The following KIRREL1 variants were observed in gnomAD, a reference collection of about 807,000 sequenced individuals.
KIRREL1 encodes the protein kin of IRRE-like protein 1.
A neutral mutation model predicts 83.3 loss-of-function variants in KIRREL1; 25 were observed. The observed-to-expected ratio is 0.30, with a 90% CI of 0.22 to 0.42. The LOEUF is 0.42. KIRREL1 is among the 10% of genes least tolerant of loss of function. KIRREL1 has a pLI of 1.00. For missense variants in KIRREL1, 812 were observed against 1,032.3 expected (o/e 0.79, Z 2.92); for synonymous variants, 388 against 410.4 (o/e 0.95, Z 0.66).
intron 3 of KIRREL1, among the ~76,000 whole-genome samples, chr1:158,081,705 C>T (rs1219620827): frequency 6.6e-6 from 1 of 152,132 alleles, no homozygotes. Flanking sequence ...TGTCATTTGT[C>T]CCATATATGA....
chr1:158,049,117 A>G (rs1176618376), intron 1 of KIRREL1, among the ~76,000 whole-genome samples: 8 of 152,250 alleles, frequency 5.3e-5, no homozygotes, highest in Admixed American at 4.6e-4. Context: ...TGGTGTGGGA[A>G]GTAGAAAATG....
At chr1:158,093,921 A>C (rs967205604) in intron 13 of KIRREL1, among the ~76,000 whole-genome samples, 159 bp downstream of exon 13, 1 of 152,048 alleles carries the variant, frequency 6.6e-6, no homozygotes, top group African/African-American at 2.4e-5. Context: ...ATTCTCTCAC[A>C]CACGCCCCAG....
chr1:158,072,852 G>A (rs1661555232), intron 1 of KIRREL1, among the ~76,000 whole-genome samples: 1 of 131,614 alleles, frequency 7.6e-6, no homozygotes. Flanking sequence ...GCAGGCCTCG[G>A]ACAGGGCATG....
At position 158,089,780 on chromosome 1, in the gene KIRREL1, G is replaced by T; in HGVS notation, c.1234G>T (p.Glu412Ter). 1 of 1,614,116 alleles carries T rather than the reference G, an allele frequency of 6.2e-7. No homozygotes were observed. The highest frequency in any genetic ancestry group is 8.5e-7 in the Non-Finnish European group (1 of 1,180,030). ...TGTGAGGGGTGACGGTGGCAAGGTG[G>T]AGTGTTTCATTGGGAGCACACCACC... ...YAVRGDGGKV[E>*]CFIGSTPPPD... The change falls in exon 10 of 15, where the codon GAG (glutamate) becomes TAG (stop). Residue 412 changes from glutamate (E) to a stop codon, truncating the protein, a stop_gained. Transcript: ENST00000359209. LOFTEE classifies it high-confidence loss of function.
intron 1 of KIRREL1, among the ~76,000 whole-genome samples, chr1:158,036,136 T>C (rs147375504): frequency 1.2e-3 from 185 of 152,310 alleles, no homozygotes; most frequent in African/African-American, 4.4e-3. Context: ...GAAGGGACCT[T>C]GGGCCTTGAC....
chr1:158,012,917 T>C (rs1017284409), intron 1 of KIRREL1, among the ~76,000 whole-genome samples: 1 of 152,238 alleles, frequency 6.6e-6, no homozygotes, highest in Non-Finnish European at 1.5e-5. Context: ...TCCTGTACAT[T>C]GGAGGATGTT....
At chr1:158,028,777 G>A (rs1451204603) in intron 1 of KIRREL1, among the ~76,000 whole-genome samples, 1 of 151,980 alleles carries the variant, frequency 6.6e-6, no homozygotes, top group East Asian at 1.9e-4. Context: ...GTATTATTAT[G>A]TCCATTTCAT....
chr1:158,054,910 T>C (rs1454951506), intron 1 of KIRREL1, among the ~76,000 whole-genome samples: 1 of 152,220 alleles, frequency 6.6e-6, no homozygotes, highest in Non-Finnish European at 1.5e-5. Flanking sequence ...ACAAGTTTAC[T>C]ACCTACACTG....
chr1:158,093,646 A>G lies in KIRREL1; in HGVS notation c.1603A>G (p.Lys535Glu). The change falls in exon 13 of 15, where the codon AAG becomes GAG. Residue 535 changes from lysine to glutamate, a missense_variant. Transcript: ENST00000359209. ...AGGTCGCAAAGACGTGACCCTGAGG[A>G]AGCTGGATATCAAGGTGGAGACAGT... The part of the protein sequence containing the change: ...KGSRKDVTLR[K>E]LDIKVETVNR... The G allele has an allele frequency of 6.2e-7, 1 of 1,614,172 alleles. No homozygotes were observed. Among genetic ancestry groups the G allele is most frequent in the Non-Finnish European group, 8.5e-7 (1 of 1,180,020 alleles).
intron 1 of KIRREL1, among the ~76,000 whole-genome samples, chr1:158,047,971 C>T (rs572271473): frequency 6.6e-5 from 10 of 152,264 alleles, no homozygotes; most frequent in Non-Finnish European, 1.0e-4. Flanking sequence ...AGAAACTTTT[C>T]CACCCTCTGC....
chr1:158,054,606 C>T (rs1349447760), intron 1 of KIRREL1, among the ~76,000 whole-genome samples: 2 of 152,102 alleles, frequency 1.3e-5, no homozygotes, highest in African/African-American at 2.4e-5. Context: ...ATTCACTTTA[C>T]AGATGGGGAA....
rs147628244 is a variant in KIRREL1 at position 158,064,811 on chromosome 1, CAT to C, written c.53-11301_53-11300del. On this transcript the variant is annotated intron_variant, in intron 1 of 14. Coordinates refer to ENST00000359209, the MANE Select transcript of KIRREL1 (RefSeq NM_018240.7). The stretch of plus-strand genomic sequence containing the variant: ...AGCCAGGGAGGGTTGATGTCTACAG[CAT>C]TCATCAGAGCCCCATACCTTCCCGT... 2.5e-3 allele frequency among the ~76,000 whole-genome samples: 375 copies of C among 152,140 alleles called. 13 individuals are homozygous for C. The East Asian group carries it at 0.068, about 27-fold the overall frequency.
chr1:158,078,073 C>T lies in KIRREL1; in HGVS notation c.285C>T (p.Asp95=), dbSNP rs746915018. The change falls in exon 3 of 15, where the codon GAC becomes GAT. Residue 95 remains aspartate (D), a synonymous_variant. Coordinates refer to ENST00000359209, the MANE Select transcript of KIRREL1 (RefSeq NM_018240.7). Reference sequence around the variant, plus strand: ...TCACAGATGCTGAGCTCTCTGACGACGCCTCTTACGAGTGCCAGGCCACGG... The same window carrying T: ...TCACAGATGCTGAGCTCTCTGACGATGCCTCTTACGAGTGCCAGGCCACGG... The part of the protein sequence containing the change: ...LEITDAELSD[D]ASYECQATEA... The T allele has an allele frequency of 2.0e-5, 33 of 1,614,016 alleles. No individual in the cohort carries two copies. Among genetic ancestry groups the T allele is most frequent in the East Asian group, 8.9e-5 (4 of 44,892 alleles).
intron 3 of KIRREL1, 139 bp from the exon 4 acceptor site, chr1:158,084,283 G>A (rs927219940): frequency 5.5e-5 from 39 of 713,928 alleles, no homozygotes; most frequent in African/African-American, 4.9e-4. Context: ...GACAGTGGTT[G>A]TAGATTAGGG....
chr1:158,046,853 G>A (rs1211783721), intron 1 of KIRREL1, among the ~76,000 whole-genome samples: 3 of 152,222 alleles, frequency 2.0e-5, no homozygotes, highest in Non-Finnish European at 2.9e-5. Flanking sequence ...GAAGGATTGT[G>A]TGTACTACTA....
Position 158,003,602 on chromosome 1 carries a change from T to C in KIRREL1, c.52+9874T>C, listed in dbSNP as rs557687469. On this transcript the variant is annotated intron_variant, in intron 1 of 14. Transcript: ENST00000359209. ...CACACACACTCGTGGCTGGCTGTGC[T>C]GCCAGCGCCAGAACCCTCCAGCATT... Among the ~76,000 whole-genome samples, 797 of 152,232 alleles carry C rather than the reference T, an allele frequency of 5.2e-3. 5 individuals carry two copies. Among genetic ancestry groups the C allele is most frequent in the African/African-American group, 0.018 (751 of 41,534 alleles).
chr1:158,033,217 G>A (rs914130974), intron 1 of KIRREL1, among the ~76,000 whole-genome samples: 9 of 151,906 alleles, frequency 5.9e-5, no homozygotes, highest in African/African-American at 1.2e-4. Context: ...GATCACAGGC[G>A]CCCACCACCA....
chr1:158,088,996 G>C (rs76333631), intron 8 of KIRREL1, among the ~76,000 whole-genome samples: 1,747 of 152,182 alleles, frequency 0.011, 35 homozygotes, highest in African/African-American at 0.041. Flanking sequence ...AGCAGGGTGG[G>C]GTGGGAGGAA....
intron 1 of KIRREL1, among the ~76,000 whole-genome samples, chr1:158,062,764 T>A (rs1420163395): frequency 6.6e-6 from 1 of 152,242 alleles, no homozygotes; most frequent in Non-Finnish European, 1.5e-5. Context: ...CCTTTCTGAT[T>A]CTTCTCAAGC....
Sources: gnomAD v4.1 joint callset for allele counts (sites outside exome capture counted in the v4.1 genomes callset) on GRCh38, gnomAD v4.1.1 for gene constraint, MANE v1.5 for transcripts, NCBI Gene and HGNC (gene_info 2026-07-23, HGNC 2026-07-21) for gene names.